PRDM6: variants seen among roughly 807,000 people sequenced by gnomAD.
PRDM6 encodes putative histone-lysine N-methyltransferase PRDM6.
A neutral mutation model predicts 60.8 loss-of-function variants in PRDM6; 25 were observed. That is an observed-to-expected ratio of 0.41 (90% CI 0.30 to 0.57). PRDM6 has a LOEUF of 0.57. PRDM6 is among the 20% of genes least tolerant of loss of function. The probability of loss-of-function intolerance (pLI) is 0.27; values close to 1 mark genes in which losing one functional copy is unlikely to be tolerated. For synonymous variants in PRDM6, 407 were observed against 357.4 expected, an observed-to-expected ratio of 1.14 and a Z score of -1.57; for missense variants, 839 against 821.3, an observed-to-expected ratio of 1.02 and a Z score of -0.26.
At chr5:123,124,571 C>G (rs897818738) in intron 3 of PRDM6, among the ~76,000 whole-genome samples, 2 of 152,162 alleles carry the variant, frequency 1.3e-5, no homozygotes, top group Non-Finnish European at 2.9e-5. Context: ...GATACGGTGT[C>G]TAATTTAGAA....
chr5:123,106,179 C>G (rs991274022), intron 3 of PRDM6, among the ~76,000 whole-genome samples: 1 of 152,350 alleles, frequency 6.6e-6, no homozygotes, highest in African/African-American at 2.4e-5. Flanking sequence ...TGACAGCACA[C>G]TATTGGCTGG....
Position 123,090,091 on chromosome 5 carries a change from T to C in PRDM6, c.77T>C (p.Leu26Pro). ...DPAYLQHWQQ[L>P]FPHGGAGPLK... Reference sequence around the variant, plus strand: ...GCCTACCTGCAGCACTGGCAGCAACTCTTCCCTCACGGAGGCGCAGGCCCG... The same window carrying C: ...GCCTACCTGCAGCACTGGCAGCAACCCTTCCCTCACGGAGGCGCAGGCCCG... The change falls in exon 2 of 8, where the codon CTC (leucine) becomes CCC (proline). Residue 26 changes from leucine to proline, a missense_variant. By Grantham distance (98) the Leu-to-Pro change is moderately conservative. Transcript: ENST00000407847. 1.9e-6 allele frequency: 3 copies of C among 1,546,670 alleles called. No homozygotes were observed. Among genetic ancestry groups the C allele is most frequent in the Non-Finnish European group, 2.6e-6 (3 of 1,145,314 alleles).
At chr5:123,091,987 A>G (rs989038320) in intron 2 of PRDM6, among the ~76,000 whole-genome samples, 1 of 152,076 alleles carries the variant, frequency 6.6e-6, no homozygotes, top group Non-Finnish European at 1.5e-5. Context: ...GTCTATGAAT[A>G]TTTTCATTAT....
rs1335479159 is a variant in PRDM6, at chr5:123,170,962, C to A, written c.1350C>A (p.Asn450Lys). The change falls in exon 6 of 8, where the codon AAC becomes AAA. Residue 450 changes from asparagine (N) to lysine (K), a missense_variant. By Grantham distance (94) the Asn-to-Lys change is moderately conservative. Coordinates refer to ENST00000407847, the MANE Select transcript of PRDM6 (RefSeq NM_001136239.4). ...GATTTAATCAAATCAACGTGAAAAA[C>A]CAGCGAGTCCTGGCAAGCCCAACTT... ...ESGFNQINVK[N>K]QRVLASPTST... 1.3e-6 allele frequency: 2 copies of A among 1,551,730 alleles called. No individual in the cohort carries two copies. The highest frequency in any genetic ancestry group is 2.4e-5 in the East Asian group (1 of 40,928).
In PRDM6 at chr5:123,188,361, AGATT is replaced by A. The variant is rs1013059404; in HGVS notation, c.*1165_*1168del. The A allele has an allele frequency of 6.6e-6, 1 of 152,220 alleles. No individual in the cohort carries two copies. Among genetic ancestry groups the A allele is most frequent in the African/African-American group, 2.4e-5 (1 of 41,450 alleles). The allele number at this position is 152,220 out of a possible 1,614,324, so 9.4% of individuals were successfully genotyped here. On this transcript the variant is annotated 3_prime_UTR_variant, in exon 8 of 8. Coordinates refer to ENST00000407847, the MANE Select transcript of PRDM6 (RefSeq NM_001136239.4). Reference sequence around the variant, plus strand: ...AATAGGATTACTTTGTCTTTTCTTGAGATTGATTAATTGAAAGAGAAGGAATTCT... The same window carrying A: ...AATAGGATTACTTTGTCTTTTCTTGAGATTAATTGAAAGAGAAGGAATTCT...
At chr5:123,122,055 AG>A (rs917860163) in intron 3 of PRDM6, among the ~76,000 whole-genome samples, 2 of 144,904 alleles carry the variant, frequency 1.4e-5, no homozygotes, top group African/African-American at 5.1e-5. Flanking sequence ...CCCAGCTACT[AG>A]GGAGGCTGAG....
intron 3 of PRDM6, among the ~76,000 whole-genome samples, chr5:123,151,306 G>C (rs945024473): frequency 1.3e-5 from 2 of 152,092 alleles, no homozygotes; most frequent in African/African-American, 4.8e-5. Context: ...TGAAACCTTC[G>C]GATCCCACTT....
At chr5:123,140,464 T>C (rs1765071876) in intron 3 of PRDM6, among the ~76,000 whole-genome samples, 1 of 152,174 alleles carries the variant, frequency 6.6e-6, no homozygotes, top group Non-Finnish European at 1.5e-5. Flanking sequence ...CATTACATCT[T>C]TGAAAGCAAA....
chr5:123,103,018 C>T (rs192127244), intron 3 of PRDM6, among the ~76,000 whole-genome samples: 26 of 152,184 alleles, frequency 1.7e-4, no homozygotes, highest in African/African-American at 5.1e-4. Context: ...ATTTAACATA[C>T]ATCAGCCATG....
chr5:123,149,600 C>T (rs56276581), intron 3 of PRDM6, among the ~76,000 whole-genome samples: 3,850 of 152,222 alleles, frequency 0.025, 64 homozygotes, highest in Middle Eastern at 0.058. Context: ...GCATGACAAG[C>T]GACACTGCAA....
intron 3 of PRDM6, among the ~76,000 whole-genome samples, chr5:123,147,051 G>A (rs1050919126): frequency 3.9e-5 from 6 of 152,190 alleles, no homozygotes; most frequent in African/African-American, 9.6e-5. Flanking sequence ...TCAAATGAAC[G>A]CGTGAACGAA....
intron 3 of PRDM6, among the ~76,000 whole-genome samples, chr5:123,140,507 C>T (rs1765072561): frequency 6.6e-6 from 1 of 152,010 alleles, no homozygotes; most frequent in Non-Finnish European, 1.5e-5. Flanking sequence ...TATGCAGCTT[C>T]TCAGCAGGGC....
chr5:123,106,711 C>T (rs1390013183), intron 3 of PRDM6, among the ~76,000 whole-genome samples: 2 of 152,156 alleles, frequency 1.3e-5, no homozygotes, highest in South Asian at 2.1e-4. Flanking sequence ...CCCCACCAGA[C>T]GGAATGTTTT....
chr5:123,155,262 C>CTTTT (rs759225954), intron 3 of PRDM6, among the ~76,000 whole-genome samples: 209 of 92,576 alleles, frequency 2.3e-3, no homozygotes, highest in Middle Eastern at 7.6e-3. Flanking sequence ...GAGGGTCTCT[C>CTTTT]TTTTTTTTTT....
chr5:123,152,032 C>A (rs542839848), intron 3 of PRDM6, among the ~76,000 whole-genome samples: 2 of 152,234 alleles, frequency 1.3e-5, no homozygotes, highest in South Asian at 2.1e-4. Flanking sequence ...ACTCTGTACT[C>A]CCCTTCACTG....
In PRDM6 at chr5:123,099,324, G is replaced by A. The variant is rs539325984; in HGVS notation, c.593-330G>A. 6.6e-6 allele frequency among the ~76,000 whole-genome samples: 1 copy of A among 152,318 alleles called. No individual in the cohort carries two copies. Among genetic ancestry groups the A allele is most frequent in the South Asian group, 2.1e-4 (1 of 4,822 alleles). Reference sequence around the variant, plus strand: ...AGAGACAGAGGGAGAGATGCAGAGAGACTGAAACGGGAGGAAGAAGCCTGG... The same window carrying A: ...AGAGACAGAGGGAGAGATGCAGAGAAACTGAAACGGGAGGAAGAAGCCTGG... On this transcript the variant is annotated intron_variant, in intron 2 of 7. Transcript: ENST00000407847. This position sits in a 1 kb window ranked among gnomAD's most constrained non-coding sequence, Gnocchi z 4.0.
At chr5:123,097,198 AT>A (rs1366429239) in intron 2 of PRDM6, among the ~76,000 whole-genome samples, 1 of 152,232 alleles carries the variant, frequency 6.6e-6, no homozygotes, top group African/African-American at 2.4e-5. Flanking sequence ...TTATCTATGT[AT>A]TTTCCTATCC....
chr5:123,157,316 T>G (rs1765525964), intron 4 of PRDM6, among the ~76,000 whole-genome samples: 1 of 152,198 alleles, frequency 6.6e-6, no homozygotes, highest in African/African-American at 2.4e-5. Context: ...CAGCTGCATT[T>G]CTGTTGTGAG....
intron 3 of PRDM6, among the ~76,000 whole-genome samples, chr5:123,122,164 C>CAAAA (rs138619125): frequency 0.013 from 1,212 of 94,742 alleles, 19 homozygotes; most frequent in East Asian, 0.024. Context: ...CTCCATCTGA[C>CAAAA]AAAAAAAAAA....
Sources: allele counts gnomAD v4.1 joint callset (sites outside exome capture counted in the v4.1 genomes callset), GRCh38; gene constraint gnomAD v4.1.1; non-coding constraint Gnocchi (gnomAD v3.1); transcripts MANE v1.5; gene names NCBI Gene and HGNC (gene_info 2026-07-23, HGNC 2026-07-21).